Variants in FRA10AC1 observed in about 807,000 individuals in gnomAD.
FRA10AC1 encodes FRA10A associated CGG repeat 1.
A neutral mutation model predicts 56.5 loss-of-function variants in FRA10AC1; 43 were observed. The ratio of observed to expected loss-of-function variants is 0.76; its 90% CI spans 0.60 to 0.98. The LOEUF (loss-of-function observed/expected upper bound fraction) is 0.98, where lower values mean the gene tolerates loss of function less well. Among genes scored for constraint, FRA10AC1 ranks in the 50% least tolerant of loss-of-function variants. The probability of loss-of-function intolerance (pLI) is 0.00; values close to 1 mark genes in which losing one functional copy is unlikely to be tolerated. For synonymous variants in FRA10AC1, 112 were observed against 110.5 expected, an observed-to-expected ratio of 1.01 and a Z score of -0.09; for missense variants, 346 against 351.8, an observed-to-expected ratio of 0.98 and a Z score of 0.13.
At position 93,701,688 on chromosome 10, in the gene FRA10AC1, C is replaced by T. The variant is rs557682210; in HGVS notation, c.-1+687G>A. Reference sequence around the variant, plus strand: ...TTGCCTTACACACCTGGATTTTACACCCTTTTTTAGGTCAACTCCAGCTGT... The same window carrying T: ...TTGCCTTACACACCTGGATTTTACATCCTTTTTTAGGTCAACTCCAGCTGT... On this transcript the variant is annotated intron_variant, in intron 1 of 13. Transcript: ENST00000359204. Among the ~76,000 whole-genome samples, 5 of 152,278 alleles carry T rather than the reference C, an allele frequency of 3.3e-5. No individual in the cohort carries two copies. In the East Asian group the frequency reaches 9.6e-4, roughly 29 times the overall value.
chr10:93,687,826 C>T (rs1267591797), intron 7 of FRA10AC1: 1 of 160,130 alleles, frequency 6.2e-6, no homozygotes, highest in Admixed American at 6.3e-5. Flanking sequence ...TTTAGCTCTA[C>T]CACTTAACAG....
At chr10:93,682,938 CA>C (rs1467810900) in intron 10 of FRA10AC1, among the ~76,000 whole-genome samples, 1 of 144,558 alleles carries the variant, frequency 6.9e-6, no homozygotes, top group African/African-American at 2.4e-5. Flanking sequence ...TATTTTTTGA[CA>C]ACCCATGTGA....
At chr10:93,689,875 C>T (rs1377212073) in intron 7 of FRA10AC1, among the ~76,000 whole-genome samples, 1 of 152,140 alleles carries the variant, frequency 6.6e-6, no homozygotes, top group African/African-American at 2.4e-5. Context: ...TTATGACCAT[C>T]GACTTGAACT....
At chr10:93,692,790 T>C (rs921309774) in intron 5 of FRA10AC1, 61 bp from the exon 6 acceptor site, 2 of 1,078,054 alleles carry the variant, frequency 1.9e-6, no homozygotes, top group African/African-American at 1.6e-5. Flanking sequence ...TTAGGTTAAA[T>C]AGCTCTGTGA....
At chr10:93,696,911 A>T (rs1256424151) in intron 4 of FRA10AC1, among the ~76,000 whole-genome samples, 3 of 152,172 alleles carry the variant, frequency 2.0e-5, no homozygotes, top group South Asian at 4.1e-4. Flanking sequence ...CAATGAGAAC[A>T]CATGGACACA....
At chr10:93,702,756 T>C (rs114017650), upstream of FRA10AC1, among the ~76,000 whole-genome samples, 1,293 of 151,914 alleles carry the variant, frequency 8.5e-3, 11 homozygotes, top group Middle Eastern at 0.051. Flanking sequence ...TCCCAGTTTT[T>C]CCCTGGGCCT....
chr10:93,693,692 C>CCAT (rs2059181592), intron 5 of FRA10AC1, among the ~76,000 whole-genome samples: 3 of 80,602 alleles, frequency 3.7e-5, no homozygotes, highest in Non-Finnish European at 9.8e-5. Flanking sequence ...ATATATATAC[C>CCAT]ATATATATAT....
At chr10:93,683,997 G>T in intron 10 of FRA10AC1, 59 bp downstream of exon 10, 1 of 1,137,208 alleles carries the variant, frequency 8.8e-7, no homozygotes. Context: ...ACTTAGTGCA[G>T]GTAAATGACT....
Position 93,698,176 on chromosome 10 carries a change from T to G in FRA10AC1, c.179A>C (p.Glu60Ala). 6.3e-7 allele frequency: 1 copy of G among 1,583,474 alleles called. No individual in the cohort carries two copies. Among genetic ancestry groups the G allele is most frequent in the Non-Finnish European group, 8.6e-7 (1 of 1,161,398 alleles). The change falls in exon 4 of 14, where the codon GAA (glutamate) becomes GCA (alanine). Residue 60 changes from glutamate to alanine, a missense_variant. Coordinates refer to ENST00000359204, the MANE Select transcript of FRA10AC1 (RefSeq NM_145246.5). ...GAGATGAAACCTTCTATTTCTTGCT[T>G]CTTCCCTGTTAAAACAAATTTTTTT... ...QVAAELLDRE[E>A]ARNRRFHLIA...
chr10:93,677,442 G>C (rs2058861528), intron 11 of FRA10AC1, among the ~76,000 whole-genome samples: 1 of 152,112 alleles, frequency 6.6e-6, no homozygotes, highest in South Asian at 2.1e-4. Context: ...TAAGGAAACA[G>C]GAAATGTATT....
In FRA10AC1 at chr10:93,694,943, A is replaced by G; in HGVS notation, c.220-6T>C. The G allele has an allele frequency of 1.5e-6, 2 of 1,374,976 alleles. No homozygotes were observed. Among genetic ancestry groups the G allele is most frequent in the Non-Finnish European group, 2.1e-6 (2 of 963,168 alleles). 85.2% of individuals were successfully genotyped at this position (1,374,976 alleles called of 1,614,324 possible). ...AACTTTGTATGTCTTTGATACTGAA[A>G]TGCAAAAAATTAAGGATTTTATTCT... On this transcript the variant is annotated splice_region_variant and splice_polypyrimidine_tract_variant and intron_variant, in intron 4 of 13. Coordinates refer to ENST00000359204, the MANE Select transcript of FRA10AC1 (RefSeq NM_145246.5).
In FRA10AC1 at chr10:93,681,357, T is replaced by C. The variant is rs1051879361; in HGVS notation, c.787+123A>G. 32 of 643,598 alleles carry C rather than the reference T, an allele frequency of 5.0e-5. 1 individual carries two copies. Among genetic ancestry groups the C allele is most frequent in the Non-Finnish European group, 1.8e-5 (7 of 385,778 alleles). 39.9% of individuals were successfully genotyped at this position (643,598 alleles called of 1,614,324 possible). On this transcript the variant is annotated intron_variant, in intron 11 of 13. Coordinates refer to ENST00000359204, the MANE Select transcript of FRA10AC1 (RefSeq NM_145246.5). Reference sequence around the variant, plus strand: ...AGTTCATATCTAAATTCTCAGCCAGTTTCCTCTCAACTACCATAAAATGAA... The same window carrying C: ...AGTTCATATCTAAATTCTCAGCCAGCTTCCTCTCAACTACCATAAAATGAA...
chr10:93,695,313 A>C (rs749654703), intron 4 of FRA10AC1, among the ~76,000 whole-genome samples: 2 of 151,920 alleles, frequency 1.3e-5, no homozygotes, highest in African/African-American at 2.4e-5. Flanking sequence ...AAAAGTAGAG[A>C]ATTTATCTTT....
At chr10:93,700,682 G>A (rs2059316284) in intron 1 of FRA10AC1, among the ~76,000 whole-genome samples, 1 of 152,124 alleles carries the variant, frequency 6.6e-6, no homozygotes, top group Admixed American at 6.5e-5. Context: ...TATTCCAGGA[G>A]AATTACAGTA....
chr10:93,694,906 T>C lies in FRA10AC1; in HGVS notation c.251A>G (p.Tyr84Cys), dbSNP rs771692369. 5 of 1,582,496 alleles carry C rather than the reference T, an allele frequency of 3.2e-6. No individual in the cohort carries two copies. The highest frequency in any genetic ancestry group is 4.3e-6 in the Non-Finnish European group (5 of 1,151,414). Residue 84 changes from tyrosine (Y) to cysteine (C), a missense_variant, in exon 5 of 14, where the codon TAT becomes TGT. Tyr to Cys is a radical substitution (Grantham distance 194). Transcript: ENST00000359204. Reference protein sequence around the residue: ...YQRHTKFVNDYILYYGGKKED... With the variant: ...YQRHTKFVNDCILYYGGKKED... ...TTTTTTGCCACCATAGTATAAAATATAGTCATTTACGAACTTTGTATGTCT... is the reference window on the plus strand; with the variant it reads ...TTTTTTGCCACCATAGTATAAAATACAGTCATTTACGAACTTTGTATGTCT...
chr10:93,680,591 T>C (rs530868062), intron 11 of FRA10AC1, among the ~76,000 whole-genome samples: 1 of 152,192 alleles, frequency 6.6e-6, no homozygotes, highest in Non-Finnish European at 1.5e-5. Flanking sequence ...ATGATCTTCA[T>C]AGCTGGAGCA....
At chr10:93,687,277 C>A in intron 8 of FRA10AC1, 127 bp downstream of exon 8, 1 of 685,950 alleles carries the variant, frequency 1.5e-6, no homozygotes, top group Non-Finnish European at 2.3e-6. Context: ...ATGAATACAC[C>A]TTCTCTAATT....
intron 9 of FRA10AC1, 102 bp from the exon 10 acceptor site, chr10:93,684,200 T>C (rs2058985490): frequency 2.5e-6 from 2 of 804,122 alleles, no homozygotes; most frequent in Non-Finnish European, 4.1e-6. Flanking sequence ...TCCATTACTA[T>C]AAGAGGGTAA....
intron 9 of FRA10AC1, among the ~76,000 whole-genome samples, chr10:93,684,430 C>T (rs1028798225): frequency 2.0e-5 from 3 of 151,888 alleles, no homozygotes; most frequent in Admixed American, 1.3e-4. Flanking sequence ...ATAGTCATTT[C>T]CTCTGAAGTG....
Sources: gnomAD v4.1 joint callset for allele counts (sites outside exome capture counted in the v4.1 genomes callset) on GRCh38, gnomAD v4.1.1 for gene constraint, MANE v1.5 for transcripts, NCBI Gene and HGNC (gene_info 2026-07-23, HGNC 2026-07-21) for gene names.